KSR1: variants seen among roughly 807,000 people sequenced by gnomAD.
KSR1 encodes kinase suppressor of ras 1.
In KSR1, 35 loss-of-function variants were observed where a neutral mutation model predicts 92.9. That is an observed-to-expected ratio of 0.38 (90% CI 0.29 to 0.50). The LOEUF is 0.50. KSR1 is among the 20% of genes least tolerant of loss of function. The pLI is 0.94. For missense variants in KSR1, 972 were observed against 1,158.5 expected, an observed-to-expected ratio of 0.84 and a Z score of 2.34; for synonymous variants, 467 against 472.6, an observed-to-expected ratio of 0.99 and a Z score of 0.15.
intron 17 of KSR1, 60 bp from the exon 18 acceptor site, chr17:27,611,434 C>T: frequency 6.2e-7 from 1 of 1,609,180 alleles, no homozygotes; most frequent in Non-Finnish European, 8.5e-7. Flanking sequence ...CTCAAGGGCC[C>T]CTGGGCTTGA....
In KSR1 at chr17:27,577,637, T is replaced by C; in HGVS notation, c.518T>C (p.Leu173Pro). The C allele has an allele frequency of 6.4e-7, 1 of 1,558,308 alleles. No homozygotes were observed. Among genetic ancestry groups the C allele is most frequent in the African/African-American group, 1.3e-5 (1 of 74,096 alleles). Residue 173 changes from leucine (L) to proline (P), a missense_variant and splice_region_variant, in exon 3 of 21, where the codon CTG becomes CCG. Coordinates refer to ENST00000644974, the MANE Select transcript of KSR1 (RefSeq NM_001394583.1). The surrounding 1 kb of genome is among the most constrained non-coding windows in gnomAD (Gnocchi z 4.5). ...ACCTGCCTGCGGAAGGTGACAGGCC[T>C]GGGTACGTGGGGCCTGCCACCCTCT... ...ALTCLRKVTG[L>P]GGEHKEDSSW...
At chr17:27,519,131 T>C (rs2069918429) in intron 1 of KSR1, among the ~76,000 whole-genome samples, 1 of 152,182 alleles carries the variant, frequency 6.6e-6, no homozygotes, top group South Asian at 2.1e-4. Context: ...ATGGTGACAG[T>C]GGGAGGAGTA....
chr17:27,495,520 C>T (rs1297135358), intron 1 of KSR1, among the ~76,000 whole-genome samples: 1 of 152,152 alleles, frequency 6.6e-6, no homozygotes, highest in Non-Finnish European at 1.5e-5. Context: ...GATATAGCCC[C>T]CTGATCTGCC....
intron 6 of KSR1, among the ~76,000 whole-genome samples, chr17:27,588,806 C>T (rs1258957381): frequency 2.6e-5 from 4 of 152,110 alleles, no homozygotes; most frequent in Admixed American, 6.5e-5. Flanking sequence ...ACACAGGTCC[C>T]GGGAGAAATA....
intron 1 of KSR1, among the ~76,000 whole-genome samples, chr17:27,502,723 G>A (rs1452136074): frequency 6.6e-6 from 1 of 152,220 alleles, no homozygotes; most frequent in Admixed American, 6.5e-5. Flanking sequence ...TCACGGCACA[G>A]ATGTCGTTTG....
chr17:27,502,279 G>A (rs571986482), intron 1 of KSR1, among the ~76,000 whole-genome samples: 2 of 152,272 alleles, frequency 1.3e-5, no homozygotes, highest in African/African-American at 4.8e-5. Flanking sequence ...ACCATCCTGA[G>A]GCTTGTCTTT....
intron 1 of KSR1, among the ~76,000 whole-genome samples, chr17:27,472,968 A>G (rs2020100450): frequency 6.6e-6 from 1 of 152,138 alleles, no homozygotes; most frequent in Non-Finnish European, 1.5e-5. Context: ...CTGGAGTTCC[A>G]TGGCACCATC....
chr17:27,602,160 T>C (rs1174990585), intron 11 of KSR1, among the ~76,000 whole-genome samples: 1 of 152,230 alleles, frequency 6.6e-6, no homozygotes, highest in Non-Finnish European at 1.5e-5. Flanking sequence ...TCACAGTATT[T>C]TGGTTACTCC....
At chr17:27,468,350 C>T (rs970857596) in intron 1 of KSR1, among the ~76,000 whole-genome samples, 2 of 152,128 alleles carry the variant, frequency 1.3e-5, no homozygotes, top group African/African-American at 4.8e-5. Flanking sequence ...ATTCTCCTGC[C>T]TCTGCCTCCC....
chr17:27,484,524 G>A (rs969858509), intron 1 of KSR1, among the ~76,000 whole-genome samples: 39 of 152,188 alleles, frequency 2.6e-4, no homozygotes, highest in African/African-American at 8.9e-4. Flanking sequence ...ACCTGACCCC[G>A]TTGTTATTTA....
chr17:27,526,574 G>T, intron 1 of KSR1: 3 of 1,595,638 alleles, frequency 1.9e-6, no homozygotes, highest in South Asian at 1.1e-5. Flanking sequence ...TCATTCATTT[G>T]TATCAGTTGC....
At chr17:27,592,733 G>C in intron 9 of KSR1, 107 bp downstream of exon 9, 1 of 873,964 alleles carries the variant, frequency 1.1e-6, no homozygotes, top group Non-Finnish European at 1.7e-6. Context: ...TGACACCACC[G>C]TCTCAGATTT....
chr17:27,563,605 C>T (rs191359480), intron 2 of KSR1, among the ~76,000 whole-genome samples: 1 of 152,294 alleles, frequency 6.6e-6, no homozygotes, highest in East Asian at 1.9e-4. Context: ...ACGCTTAGCA[C>T]AAAATCCAAA....
chr17:27,567,741 G>A (rs1294830330), intron 2 of KSR1, among the ~76,000 whole-genome samples: 5 of 152,226 alleles, frequency 3.3e-5, no homozygotes, highest in African/African-American at 7.2e-5. Context: ...CAGGGAATGC[G>A]TGCTGGAAAC....
chr17:27,514,660 CAAA>C (rs1177388900), intron 1 of KSR1, among the ~76,000 whole-genome samples: 6 of 92,648 alleles, frequency 6.5e-5, no homozygotes, highest in East Asian at 3.6e-4. Flanking sequence ...AACTCCATCT[CAAA>C]AAAAAAAAAA....
intron 18 of KSR1, among the ~76,000 whole-genome samples, chr17:27,616,419 C>CT (rs1455825644): frequency 6.6e-6 from 1 of 152,166 alleles, no homozygotes; most frequent in Non-Finnish European, 1.5e-5. Flanking sequence ...ATTTCAAGCA[C>CT]TTTCTTATTT....
chr17:27,546,215 G>A (rs779755723), intron 1 of KSR1, among the ~76,000 whole-genome samples: 1 of 152,196 alleles, frequency 6.6e-6, no homozygotes, highest in East Asian at 1.9e-4. Flanking sequence ...TATGTTTTAT[G>A]CCAGGTGCTG....
intron 1 of KSR1, among the ~76,000 whole-genome samples, chr17:27,550,081 C>A (rs1261386303): frequency 6.6e-6 from 1 of 152,126 alleles, no homozygotes; most frequent in Non-Finnish European, 1.5e-5. Context: ...GTTCTGTCAC[C>A]CGGGCTGGAG....
chr17:27,594,506 T>C (rs367828869), intron 9 of KSR1, among the ~76,000 whole-genome samples: 52 of 152,098 alleles, frequency 3.4e-4, no homozygotes, highest in African/African-American at 1.1e-3. Context: ...CAGCACTCTC[T>C]CTCTGTCCCA....
Sources: gnomAD v4.1 joint callset for allele counts (sites outside exome capture counted in the v4.1 genomes callset) on GRCh38, gnomAD v4.1.1 for gene constraint, Gnocchi (gnomAD v3.1) non-coding constraint, MANE v1.5 for transcripts, NCBI Gene and HGNC (gene_info 2026-07-23, HGNC 2026-07-21) for gene names.